The following MDGA2 variants were observed in gnomAD, a reference collection of about 807,000 sequenced individuals.
The protein encoded by MDGA2 is MAM domain containing glycosylphosphatidylinositol anchor 2, also known as MAM domain-containing glycosylphosphatidylinositol anchor protein 2.
A neutral mutation model predicts 117.8 loss-of-function variants in MDGA2; 40 were observed. That is an observed-to-expected ratio of 0.34 (90% CI 0.26 to 0.44). MDGA2 has a LOEUF of 0.44. MDGA2 is among the 20% of genes least tolerant of loss of function. The probability of loss-of-function intolerance (pLI) is 1.00; values close to 1 mark genes in which losing one functional copy is unlikely to be tolerated. For synonymous variants in MDGA2, 452 were observed against 439.0 expected, an observed-to-expected ratio of 1.03 and a Z score of -0.37; for missense variants, 1,123 against 1,250.6, an observed-to-expected ratio of 0.90 and a Z score of 1.54.
chr14:47,147,104 T>C (rs910938112), intron 3 of MDGA2, among the ~76,000 whole-genome samples: 4 of 152,004 alleles, frequency 2.6e-5, no homozygotes, highest in Non-Finnish European at 5.9e-5. Context: ...TATACAATTT[T>C]AAGGGAGATT....
chr14:46,883,441 T>C (rs1882542538), intron 10 of MDGA2, among the ~76,000 whole-genome samples: 1 of 152,050 alleles, frequency 6.6e-6, no homozygotes, highest in African/African-American at 2.4e-5. Context: ...ACTTGATTAA[T>C]CTGATAAAGA....
At chr14:46,912,515 T>C (rs1423001339) in intron 10 of MDGA2, among the ~76,000 whole-genome samples, 2 of 152,134 alleles carry the variant, frequency 1.3e-5, no homozygotes, top group Non-Finnish European at 2.9e-5. Flanking sequence ...CCCCTATCAC[T>C]CCAGCCTAAC....
At chr14:47,431,890 CT>C (rs1172270958) in intron 1 of MDGA2, among the ~76,000 whole-genome samples, 2 of 152,014 alleles carry the variant, frequency 1.3e-5, no homozygotes, top group African/African-American at 2.4e-5. Context: ...CCTAACATAG[CT>C]TTCCACGACA....
At chr14:47,225,406 C>A (rs1886450310) in intron 2 of MDGA2, among the ~76,000 whole-genome samples, 1 of 151,826 alleles carries the variant, frequency 6.6e-6, no homozygotes, top group Admixed American at 6.6e-5. Flanking sequence ...GACTTGGAAC[C>A]AACCCAAATG....
intron 8 of MDGA2, among the ~76,000 whole-genome samples, chr14:46,993,699 G>A (rs1399519456): frequency 1.3e-5 from 2 of 152,208 alleles, no homozygotes; most frequent in East Asian, 1.9e-4. Context: ...GGTCTCAACC[G>A]ATCCGCCAAT....
intron 3 of MDGA2, among the ~76,000 whole-genome samples, chr14:47,167,116 A>G (rs1335528902): frequency 1.3e-5 from 2 of 152,062 alleles, no homozygotes; most frequent in African/African-American, 4.8e-5. Context: ...CTCTCTATAT[A>G]TACTTTTAAT....
In MDGA2 at chr14:47,176,238, T is replaced by C. The variant is rs1884439245; in HGVS notation, c.596-31964A>G. On this transcript the variant is annotated intron_variant, in intron 3 of 16. Transcript: ENST00000399232. ...TGGCCATACTGCCCAAGGTAATTTA[T>C]AGATTCAATGCCATCCCCATCAAGC... 2.0e-5 allele frequency among the ~76,000 whole-genome samples: 3 copies of C among 152,096 alleles called. 1 individual carries two copies. The highest frequency in any genetic ancestry group is 4.1e-4 in the South Asian group (2 of 4,832).
rs145457516 is a variant in MDGA2, at chr14:47,255,658, C to T, written c.421-37463G>A. On this transcript the variant is annotated intron_variant, in intron 2 of 16. Transcript: ENST00000399232. The stretch of plus-strand genomic sequence containing the variant: ...ACTGAAATTAAATTTTTCATCTTTG[C>T]CTTGTTACTTAAAAATGATAATTTG... Among the ~76,000 whole-genome samples the T allele has an allele frequency of 3.7e-4, 56 of 152,134 alleles. No homozygotes were observed. In the East Asian group the frequency reaches 9.1e-3, roughly 25 times the overall value.
chr14:47,277,807 G>T (rs1888353726), intron 2 of MDGA2, among the ~76,000 whole-genome samples: 2 of 152,170 alleles, frequency 1.3e-5, no homozygotes, highest in Non-Finnish European at 2.9e-5. Context: ...TTGGTAACAG[G>T]ACTGAAACTT....
At chr14:47,076,728 G>T (rs569323626) in intron 6 of MDGA2, among the ~76,000 whole-genome samples, 2 of 152,098 alleles carry the variant, frequency 1.3e-5, no homozygotes, top group South Asian at 2.1e-4. Context: ...CATGAAACTT[G>T]GGAACAAACC....
chr14:47,389,626 A>C (rs1405007716), intron 1 of MDGA2, among the ~76,000 whole-genome samples: 1 of 150,500 alleles, frequency 6.6e-6, no homozygotes, highest in African/African-American at 2.5e-5. Context: ...ACACACACAC[A>C]CACACACACA....
chr14:47,523,702 C>T (rs1543411), intron 1 of MDGA2, among the ~76,000 whole-genome samples: 66,422 of 151,784 alleles, frequency 0.44, 14,997 homozygotes, highest in East Asian at 0.6. Context: ...GCCTGTCTGC[C>T]TGCCTATATG....
chr14:47,497,260 G>C (rs1894301171), intron 1 of MDGA2, among the ~76,000 whole-genome samples: 1 of 152,082 alleles, frequency 6.6e-6, no homozygotes, highest in Admixed American at 6.6e-5. Context: ...TTTCAATGTT[G>C]AGTCTTTTTC....
rs901131560 is a variant in MDGA2, at chr14:47,015,446, TA to T, written c.1819+19564del. On this transcript the variant is annotated intron_variant, in intron 8 of 16. Transcript: ENST00000399232. ...CAAAATATTCCTAACTATCTTCAGG[TA>T]AAAAAAAAAAGGAAGGAGAAATGTA... Among the ~76,000 whole-genome samples the T allele has an allele frequency of 2.4e-3, 331 of 136,254 alleles. 2 individuals are homozygous for T. Among genetic ancestry groups the T allele is most frequent in the South Asian group, 2.5e-3 (11 of 4,332 alleles). The allele number at this position is 136,254 out of a possible 152,430, so 89.4% of individuals were successfully genotyped here.
At chr14:47,304,250 T>G (rs1335878088) in intron 1 of MDGA2, among the ~76,000 whole-genome samples, 1 of 152,198 alleles carries the variant, frequency 6.6e-6, no homozygotes, top group Non-Finnish European at 1.5e-5. Context: ...GCACTCTTAT[T>G]TCCCGATTAG....
intron 1 of MDGA2, among the ~76,000 whole-genome samples, chr14:47,510,833 T>G (rs530375158): frequency 1.2e-4 from 19 of 152,236 alleles, no homozygotes; most frequent in Non-Finnish European, 2.5e-4. Context: ...AACATATGCC[T>G]GCCTGAGAGA....
intron 2 of MDGA2, among the ~76,000 whole-genome samples, chr14:47,260,760 G>A (rs1435218736): frequency 1.3e-5 from 2 of 151,986 alleles, no homozygotes; most frequent in African/African-American, 4.8e-5. Flanking sequence ...AGCTGATACT[G>A]GATGTCACTG....
intron 1 of MDGA2, among the ~76,000 whole-genome samples, chr14:47,453,622 G>T (rs1043450883): frequency 6.6e-6 from 1 of 152,024 alleles, no homozygotes; most frequent in Admixed American, 6.6e-5. Context: ...TCATCTATGA[G>T]CCAAATTGAA....
intron 2 of MDGA2, among the ~76,000 whole-genome samples, chr14:47,223,820 G>A (rs1360395121): frequency 2.0e-5 from 3 of 152,116 alleles, no homozygotes; most frequent in Non-Finnish European, 4.4e-5. Flanking sequence ...ACATGGCTGA[G>A]GAAGCCTCAA....
Sources: gnomAD v4.1 joint callset for allele counts (sites outside exome capture counted in the v4.1 genomes callset) on GRCh38, gnomAD v4.1.1 for gene constraint, MANE v1.5 for transcripts, NCBI Gene and HGNC (gene_info 2026-07-23, HGNC 2026-07-21) for gene names.